The following LARP1 variants were observed in gnomAD, a reference collection of about 807,000 sequenced individuals.
LARP1 encodes the protein La ribonucleoprotein 1, translational regulator.
Under a neutral mutation model 122.7 loss-of-function variants are expected in LARP1, and 36 were observed. That is an observed-to-expected ratio of 0.29 (90% CI 0.22 to 0.39). The LOEUF is 0.39. LARP1 is among the 10% of genes least tolerant of loss of function. The pLI, the probability that LARP1 is intolerant of heterozygous loss-of-function variation, is 1.00. For missense variants in LARP1, 1,040 were observed against 1,403.6 expected (o/e 0.74, Z 4.14); for synonymous variants, 539 against 528.7 (o/e 1.02, Z -0.27).
intron 1 of LARP1, chr5:154,756,407 G>A: frequency 1.0e-6 from 1 of 995,684 alleles, no homozygotes; most frequent in Non-Finnish European, 1.2e-6. Flanking sequence ...GCCTCCGGGA[G>A]GCTACGGCCA....
chr5:154,760,285 CA>C (rs372575789), intron 1 of LARP1, among the ~76,000 whole-genome samples: 131 of 152,288 alleles, frequency 8.6e-4, no homozygotes, highest in African/African-American at 3.0e-3. Flanking sequence ...GCAATGTGGA[CA>C]CCGGCAAACG....
chr5:154,694,188 G>A (rs944373972), intron 1 of LARP1, among the ~76,000 whole-genome samples: 4 of 152,164 alleles, frequency 2.6e-5, no homozygotes, highest in African/African-American at 4.8e-5. Context: ...CCAAATATAA[G>A]ATGTGATTCT....
intron 16 of LARP1, among the ~76,000 whole-genome samples, chr5:154,810,444 GAAAAA>G (rs1175760326): frequency 1.4e-5 from 2 of 144,538 alleles, no homozygotes; most frequent in African/African-American, 5.1e-5. Flanking sequence ...TCAAAAAAAA[GAAAAA>G]AAAAAGATCT....
intron 1 of LARP1, among the ~76,000 whole-genome samples, chr5:154,757,644 G>C (rs953666556): frequency 6.6e-6 from 1 of 152,120 alleles, no homozygotes; most frequent in African/African-American, 2.4e-5. Context: ...AGGAGTAGAA[G>C]CACTGCTAGT....
chr5:154,780,711 T>G (rs896724069), intron 1 of LARP1, among the ~76,000 whole-genome samples: 29 of 152,192 alleles, frequency 1.9e-4, no homozygotes, highest in African/African-American at 6.3e-4. Context: ...AGTAATTTTT[T>G]GGGGATTCAG....
At chr5:154,687,147 T>G (rs953189700) in intron 1 of LARP1, among the ~76,000 whole-genome samples, 1 of 152,252 alleles carries the variant, frequency 6.6e-6, no homozygotes, top group African/African-American at 2.4e-5. Flanking sequence ...ATATCTAACT[T>G]GCTTTTGTTT....
At chr5:154,699,632 C>G (rs947782282) in intron 1 of LARP1, among the ~76,000 whole-genome samples, 17 of 152,174 alleles carry the variant, frequency 1.1e-4, no homozygotes, top group African/African-American at 4.1e-4. Flanking sequence ...TACATTATCT[C>G]AGGCATAAAA....
At chr5:154,808,312 C>G in intron 15 of LARP1, 147 bp from the exon 16 acceptor site, 1 of 951,360 alleles carries the variant, frequency 1.1e-6, no homozygotes, top group South Asian at 1.8e-5. Flanking sequence ...CAATAGATAT[C>G]TGCTGAATGA....
At chr5:154,748,365 G>C (rs1251513638) in intron 1 of LARP1, among the ~76,000 whole-genome samples, 1 of 152,092 alleles carries the variant, frequency 6.6e-6, no homozygotes, top group Non-Finnish European at 1.5e-5. Context: ...AGTACTCCAA[G>C]GAACACTAAG....
intron 1 of LARP1, among the ~76,000 whole-genome samples, chr5:154,697,623 C>T (rs1028069301): frequency 6.6e-6 from 1 of 152,040 alleles, no homozygotes; most frequent in African/African-American, 2.4e-5. Context: ...CGTCGATGAA[C>T]CTTGAAAACA....
At chr5:154,791,502 C>A (rs947048472) in intron 3 of LARP1, among the ~76,000 whole-genome samples, 3 of 152,322 alleles carry the variant, frequency 2.0e-5, no homozygotes, top group Non-Finnish European at 4.4e-5. Context: ...AGCCACTGTC[C>A]CCAGCCCCCT....
At chr5:154,807,813 C>A (rs1456490693) in intron 15 of LARP1, among the ~76,000 whole-genome samples, 1 of 152,196 alleles carries the variant, frequency 6.6e-6, no homozygotes, top group African/African-American at 2.4e-5. Flanking sequence ...CTCAGCCTCA[C>A]AAAGTGCTGG....
chr5:154,717,080 G>GA (rs1008552955), intron 1 of LARP1, among the ~76,000 whole-genome samples: 27 of 149,228 alleles, frequency 1.8e-4, no homozygotes, highest in Admixed American at 4.7e-4. Flanking sequence ...AAAAGAAAAA[G>GA]AAAAAAAAGG....
Position 154,803,476 on chromosome 5 carries a change from G to T in LARP1, c.2233+63G>T. 7.4e-6 allele frequency: 12 copies of T among 1,613,942 alleles called. No homozygotes were observed. Among genetic ancestry groups the T allele is most frequent in the Non-Finnish European group, 1.0e-5 (12 of 1,179,898 alleles). ...AGGATCTAGGGCCCTTGGACTGGGG[G>T]CTATCCTGGGGTGGATGCCACAGGC... On this transcript the variant is annotated intron_variant, in intron 12 of 18. Transcript: ENST00000518297. This position sits in a 1 kb window ranked among gnomAD's most constrained non-coding sequence, Gnocchi z 4.4.
At chr5:154,686,861 G>A (rs903495914) in intron 1 of LARP1, among the ~76,000 whole-genome samples, 4 of 152,212 alleles carry the variant, frequency 2.6e-5, no homozygotes, top group African/African-American at 9.6e-5. Context: ...ATGGATCACT[G>A]TCCAAGTATC....
chr5:154,728,114 C>T (rs1245757758), intron 1 of LARP1, among the ~76,000 whole-genome samples: 1 of 152,158 alleles, frequency 6.6e-6, no homozygotes, highest in African/African-American at 2.4e-5. Flanking sequence ...AGGCTAATGG[C>T]TCTCAAGTTG....
intron 1 of LARP1, among the ~76,000 whole-genome samples, chr5:154,778,438 G>C (rs969685373): frequency 3.3e-5 from 5 of 152,090 alleles, no homozygotes; most frequent in African/African-American, 1.2e-4. Flanking sequence ...CTCCACCATT[G>C]CTGAGCAAAA....
In LARP1 at chr5:154,795,169, A is replaced by G; in HGVS notation, c.1233-6A>G. On this transcript the variant is annotated splice_region_variant and splice_polypyrimidine_tract_variant and intron_variant, in intron 7 of 18. Transcript: ENST00000518297. ...TCGGTGATAACTACTTCTTCCCTCC[A>G]CTTAGTGAATACTACTTCAGCGTGG... 1 of 1,613,616 alleles carries G rather than the reference A, an allele frequency of 6.2e-7. No homozygotes were observed. Among genetic ancestry groups the G allele is most frequent in the South Asian group, 1.1e-5 (1 of 91,070 alleles).
At chr5:154,795,958 A>G (rs1283629742) in intron 8 of LARP1, among the ~76,000 whole-genome samples, 6 of 116,390 alleles carry the variant, frequency 5.2e-5, no homozygotes, top group African/African-American at 2.0e-4. Context: ...TATTATATAT[A>G]TTTTTATACA....
Sources: gnomAD v4.1 joint callset for allele counts (sites outside exome capture counted in the v4.1 genomes callset) on GRCh38, gnomAD v4.1.1 for gene constraint, Gnocchi (gnomAD v3.1) non-coding constraint, MANE v1.5 for transcripts, NCBI Gene and HGNC (gene_info 2026-07-23, HGNC 2026-07-21) for gene names.